The following CCDC77 variants were observed in gnomAD, a reference collection of about 807,000 sequenced individuals.
The protein encoded by CCDC77 is coiled-coil domain containing 77.
CCDC77 carries 56 observed loss-of-function variants against 66.8 expected under a neutral mutation model. That is an observed-to-expected ratio of 0.84 (90% confidence interval 0.68 to 1.05). CCDC77 has a LOEUF of 1.05. Ranked by LOEUF, CCDC77 falls within the 50% of genes least tolerant of loss-of-function variation. CCDC77 has a pLI of 0.00. For missense variants in CCDC77, 570 were observed against 576.8 expected, an observed-to-expected ratio of 0.99 and a Z score of 0.12; for synonymous variants, 196 against 195.2, an observed-to-expected ratio of 1.00 and a Z score of -0.03.
In CCDC77 at chr12:418,592, A is replaced by G; in HGVS notation, c.369A>G (p.Glu123=). Residue 123 remains glutamate (E), a synonymous_variant, in exon 5 of 13, where the codon GAA becomes GAG. Coordinates refer to ENST00000239830, the MANE Select transcript of CCDC77 (RefSeq NM_032358.4). ...AGGTCTGCCTCTTCCAGGAACGGGA[A>G]CATGTTTTACGCCTCTACTCAGAAA... The part of the protein sequence containing the change: ...DMQVCLFQER[E]HVLRLYSEND... 1.2e-6 allele frequency: 2 copies of G among 1,614,180 alleles called. No individual in the cohort carries two copies. The highest frequency in any genetic ancestry group is 1.7e-4 in the Middle Eastern group (1 of 6,060).
chr12:390,501 A>AC (rs1005208997), intron 1 of CCDC77, among the ~76,000 whole-genome samples: 1 of 152,218 alleles, frequency 6.6e-6, no homozygotes, highest in African/African-American at 2.4e-5. Context: ...ACTTTGAATA[A>AC]CGCAGATTGC....
rs757179323 is a variant in CCDC77 at position 441,933 on chromosome 12, G to A, written c.*13G>A. ...TAGACTCTGTTAATGTCTACTTTTG[G>A]AAATGGCCCCCATTTAGAAGAGGTG... On this transcript the variant is annotated 3_prime_UTR_variant, in exon 13 of 13. Coordinates refer to ENST00000239830, the MANE Select transcript of CCDC77 (RefSeq NM_032358.4). 2.5e-6 allele frequency: 4 copies of A among 1,613,618 alleles called. No homozygotes were observed. The highest frequency in any genetic ancestry group is 3.4e-6 in the Non-Finnish European group (4 of 1,179,804).
In CCDC77 at chr12:415,598, A is replaced by T. The variant is rs370130867; in HGVS notation, c.271-2896A>T. ...TAATAAAAATGTAATAAATATTTTT[A>T]TCACATTATGTATGTATCTATAGAC... On this transcript the variant is annotated intron_variant, in intron 4 of 12. Transcript: ENST00000239830. Among the ~76,000 whole-genome samples the T allele has an allele frequency of 7.3e-5, 11 of 151,306 alleles. No individual in the cohort carries two copies. The East Asian group carries it at 1.2e-3, about 16-fold the overall frequency.
intron 4 of CCDC77, 150 bp downstream of exon 4, chr12:412,128 C>G (rs958686605): frequency 1.5e-6 from 1 of 651,100 alleles, no homozygotes; most frequent in African/African-American, 1.8e-5. Context: ...TTCAGGCCCT[C>G]CTTGGATCAT....
chr12:433,506 A>T, intron 9 of CCDC77, 184 bp downstream of exon 9: 1 of 1,372,234 alleles, frequency 7.3e-7, no homozygotes, highest in Non-Finnish European at 9.5e-7. Flanking sequence ...GTGCTGTTGA[A>T]GAGCTGATGA....
rs1223960359 is a variant in CCDC77, at chr12:438,455, TAAGCAATATA to T, written c.943_952del (p.Lys315GlyfsTer32). The T allele has an allele frequency of 6.2e-7, 1 of 1,613,894 alleles. No individual in the cohort carries two copies. Among genetic ancestry groups the T allele is most frequent in the Non-Finnish European group, 8.5e-7 (1 of 1,179,890 alleles). ...AAAAAGATAATTTGATGTCAAAGATTAAGCAATATAGGGTGCAGTGTAAGAAGAAAGAAGA... is the reference window on the plus strand; with the variant it reads ...AAAAAGATAATTTGATGTCAAAGATTGGGTGCAGTGTAAGAAGAAAGAAGA... On this transcript the variant is annotated frameshift_variant, in exon 10 of 13. Coordinates refer to ENST00000239830, the MANE Select transcript of CCDC77 (RefSeq NM_032358.4). LOFTEE classifies it high-confidence loss of function.
intron 1 of CCDC77, among the ~76,000 whole-genome samples, chr12:396,573 C>T (rs1038493431): frequency 1.3e-5 from 2 of 152,078 alleles, no homozygotes; most frequent in Admixed American, 6.6e-5. Context: ...CCAGGAATTG[C>T]CTGGCACCAA....
upstream of CCDC77, among the ~76,000 whole-genome samples, chr12:400,225 A>G (rs1442050057): frequency 6.6e-6 from 1 of 152,226 alleles, no homozygotes; most frequent in Non-Finnish European, 1.5e-5. Context: ...GCTCCAGATT[A>G]GGCTTTGGCT....
At chr12:435,739 G>A (rs776547562) in intron 9 of CCDC77, among the ~76,000 whole-genome samples, 3 of 152,052 alleles carry the variant, frequency 2.0e-5, no homozygotes, top group African/African-American at 4.8e-5. Flanking sequence ...TGATTGTTTT[G>A]TTTCATTTTT....
chr12:395,680 G>A (rs1316453758), intron 1 of CCDC77, among the ~76,000 whole-genome samples: 2 of 152,196 alleles, frequency 1.3e-5, no homozygotes, highest in Admixed American at 6.5e-5. Flanking sequence ...GATTGCTTGA[G>A]GTCAGGAGTT....
intron 4 of CCDC77, among the ~76,000 whole-genome samples, chr12:415,297 A>G (rs986904705): frequency 8.8e-5 from 12 of 137,048 alleles, no homozygotes; most frequent in Non-Finnish European, 1.2e-4. Context: ...TGTTAATATA[A>G]TCAACATAAT....
rs532353610 is a variant in CCDC77 at position 414,364 on chromosome 12, A to T, written c.270+2386A>T. ...CTTGGCCTCCTGAAGTGCTGGGATT[A>T]CAGGCGTGAGCCTGGCCTCCTTTCT... On this transcript the variant is annotated intron_variant, in intron 4 of 12. Transcript: ENST00000239830. Among the ~76,000 whole-genome samples, 80 of 149,744 alleles carry T rather than the reference A, an allele frequency of 5.3e-4. 1 individual carries two copies. Among genetic ancestry groups the T allele is most frequent in the African/African-American group, 1.9e-3 (73 of 39,128 alleles).
chr12:400,366 C>T (rs1435487613), upstream of CCDC77, among the ~76,000 whole-genome samples: 2 of 152,174 alleles, frequency 1.3e-5, no homozygotes, highest in African/African-American at 2.4e-5. Context: ...CCTTCAAAAA[C>T]TTTTCCTTTG....
At chr12:406,483 C>T (rs1944993194) in intron 2 of CCDC77, among the ~76,000 whole-genome samples, 1 of 152,182 alleles carries the variant, frequency 6.6e-6, no homozygotes, top group Non-Finnish European at 1.5e-5. Flanking sequence ...GGTGAGGTCA[C>T]AGAAGTAATG....
upstream of CCDC77, among the ~76,000 whole-genome samples, chr12:400,317 T>C (rs1944879132): frequency 6.6e-6 from 1 of 152,242 alleles, no homozygotes; most frequent in African/African-American, 2.4e-5. Flanking sequence ...TTTCACTTTC[T>C]TATCATTTTT....
At chr12:428,970 A>G (rs1372916467) in intron 6 of CCDC77, 105 bp downstream of exon 6, 18 of 649,094 alleles carry the variant, frequency 2.8e-5, no homozygotes, top group East Asian at 1.5e-4. Context: ...CAGATGGAGA[A>G]TTAGCCATCA....
chr12:425,270 C>T (rs1945506252), intron 5 of CCDC77, among the ~76,000 whole-genome samples: 1 of 137,158 alleles, frequency 7.3e-6, no homozygotes, highest in Non-Finnish European at 1.5e-5. Context: ...TCAAGTGCTC[C>T]GTTTTTAGCA....
intron 4 of CCDC77, among the ~76,000 whole-genome samples, chr12:414,257 A>G (rs760471424): frequency 1.3e-5 from 2 of 151,432 alleles, no homozygotes; most frequent in Non-Finnish European, 2.9e-5. Flanking sequence ...ACACCTAACT[A>G]ATTTTTGTAT....
intron 4 of CCDC77, 145 bp from the exon 5 acceptor site, chr12:418,349 T>C (rs560576377): frequency 9.5e-5 from 67 of 706,078 alleles, no homozygotes; most frequent in Non-Finnish European, 1.3e-4. Flanking sequence ...AGTCTATACA[T>C]GCCTATTGCT....
Sources: allele counts gnomAD v4.1 joint callset (sites outside exome capture counted in the v4.1 genomes callset), GRCh38; gene constraint gnomAD v4.1.1; transcripts MANE v1.5; gene names NCBI Gene and HGNC (gene_info 2026-07-23, HGNC 2026-07-21).